Variants in ADGRG4 observed in about 807,000 individuals in gnomAD.
The protein encoded by ADGRG4 is G protein-coupled receptor 112.
ADGRG4 carries 122 observed loss-of-function variants against 126.2 expected under a neutral mutation model. The ratio of observed to expected loss-of-function variants is 0.97; its 90% CI spans 0.83 to 1.12. ADGRG4 has a LOEUF of 1.12. Ranked by LOEUF, ADGRG4 falls within the 50% of genes most tolerant of loss-of-function variation. The pLI is 0.00. For synonymous variants in ADGRG4, 943 were observed against 838.7 expected (o/e 1.12, Z -2.15); for missense variants, 2,481 against 2,251.8 (o/e 1.10, Z -2.06).
rs749138647 is a variant in ADGRG4 at position 136,322,815 on chromosome X, T to C, written c.108T>C (p.Phe36=). Residue 36 remains phenylalanine (F), a synonymous_variant, in exon 5 of 26, where the codon TTT becomes TTC. Transcript: ENST00000394143. ...LSLKGKKLDF[F]GRGDTYVSLI... ...TAAAAGGAAAAAAGCTGGATTTTTT[T>C]GGAAGAGGTGACACATATGTAAGCC... is the stretch of plus-strand genomic sequence containing the variant. The C allele has an allele frequency of 6.7e-6, 8 of 1,191,249 alleles. No homozygotes were observed. The South Asian group carries it at 9.3e-5, about 14-fold the overall frequency.
intron 22 of ADGRG4, 99 bp from the exon 23 acceptor site, chrX:136,405,593 C>T: frequency 6.1e-6 from 4 of 658,760 alleles, no homozygotes; most frequent in Non-Finnish European, 8.8e-6. Flanking sequence ...AGGGCAGATG[C>T]CCTTAGGGTG....
At chrX:136,382,301 G>A (rs2075268119) in intron 15 of ADGRG4, among the ~76,000 whole-genome samples, 2 of 111,695 alleles carry the variant, frequency 1.8e-5, no homozygotes, top group Non-Finnish European at 3.8e-5. Context: ...TATGAAGTCA[G>A]TAAATCCTAT....
At chrX:136,398,531 TTACA>T (rs2075362818) in intron 20 of ADGRG4, among the ~76,000 whole-genome samples, 1 of 111,882 alleles carries the variant, frequency 8.9e-6, no homozygotes, top group African/African-American at 3.3e-5. Context: ...ACAAAGTTCT[TTACA>T]TCATTACTCA....
At position 136,345,006 on chromosome X, in the gene ADGRG4, G is replaced by A; in HGVS notation, c.1300G>A (p.Gly434Ser). The change falls in exon 6 of 26, where the codon GGC (glycine) becomes AGC (serine). Residue 434 changes from glycine (G) to serine (S), a missense_variant. Transcript: ENST00000394143. ...TGGGGCACTCCCTATCTCCACAGCT[G>A]GCCAGGAGTTCATTGAATCTACAGC... ...NTGALPISTAGQEFIESTAAG... is the reference protein window; with the variant it reads ...NTGALPISTASQEFIESTAAG... 1 of 1,211,315 alleles carries A rather than the reference G, an allele frequency of 8.3e-7. No homozygotes were observed.
At chrX:136,394,077 T>C (rs1192659570) in intron 18 of ADGRG4, among the ~76,000 whole-genome samples, 1 of 111,411 alleles carries the variant, frequency 9.0e-6, no homozygotes, top group East Asian at 2.8e-4. Context: ...TCCTTCCCTT[T>C]TTTTTTCCTC....
At chrX:136,343,199 G>C (rs2074990603) in intron 5 of ADGRG4, among the ~76,000 whole-genome samples, 1 of 110,004 alleles carries the variant, frequency 9.1e-6, no homozygotes, top group Admixed American at 9.8e-5. Flanking sequence ...AGGAGACAGA[G>C]GGAGAGACAG....
At position 136,347,449 on chromosome X, in the gene ADGRG4, T is replaced by C. The variant is rs1569323528; in HGVS notation, c.3743T>C (p.Val1248Ala). Residue 1248 changes from valine to alanine, a missense_variant, in exon 6 of 26, where the codon GTG (valine) becomes GCG (alanine). Transcript: ENST00000394143. The part of the protein sequence containing the change: ...RVHTPVSIQL[V>A]TSTSVLSSDK... ...CACACACCAGTGTCCATCCAGTTGGTGACTAGCACCTCTGTCTTATCTTCC... is the reference window on the plus strand; with the variant it reads ...CACACACCAGTGTCCATCCAGTTGGCGACTAGCACCTCTGTCTTATCTTCC... The C allele has an allele frequency of 4.1e-6, 5 of 1,208,485 alleles. No individual in the cohort carries two copies. In the Middle Eastern group the frequency reaches 6.9e-4, roughly 167 times the overall value.
intron 4 of ADGRG4, among the ~76,000 whole-genome samples, chrX:136,315,381 G>T (rs2074798721): frequency 9.0e-6 from 1 of 110,983 alleles, no homozygotes; most frequent in African/African-American, 3.3e-5. Context: ...AGAGCCAGAA[G>T]ACTCCCTCCT....
At chrX:136,341,989 C>CACCCA (rs1321202939) in intron 5 of ADGRG4, among the ~76,000 whole-genome samples, 1 of 111,801 alleles carries the variant, frequency 8.9e-6, no homozygotes, top group African/African-American at 3.2e-5. Context: ...TGGGTGATTT[C>CACCCA]AATTGGAGAA....
At position 136,399,899 on chromosome X, in the gene ADGRG4, A is replaced by G. The variant is rs768840698; in HGVS notation, c.8358A>G (p.Ala2786=). 5.0e-6 allele frequency: 6 copies of G among 1,208,824 alleles called. No individual in the cohort carries two copies. The highest frequency in any genetic ancestry group is 6.7e-6 in the Non-Finnish European group (6 of 892,955). ...PAKILINLCT[A]LLMLNLVFLI... is the part of the protein sequence containing the mutation. Reference sequence around the variant, plus strand: ...AAATTCTGATCAACCTGTGCACAGCACTACTGATGCTAAACCTGGTATTTT... The same window carrying G: ...AAATTCTGATCAACCTGTGCACAGCGCTACTGATGCTAAACCTGGTATTTT... The change falls in exon 21 of 26, where the codon GCA becomes GCG. Residue 2786 remains alanine, a synonymous_variant. Transcript: ENST00000394143.
At chrX:136,329,710 C>A (rs2074896788) in intron 5 of ADGRG4, among the ~76,000 whole-genome samples, 1 of 106,367 alleles carries the variant, frequency 9.4e-6, no homozygotes, top group African/African-American at 3.4e-5. Flanking sequence ...CACTCTGTCG[C>A]CCAGGATGTA....
chrX:136,327,447 G>T (rs1157827941), intron 5 of ADGRG4, among the ~76,000 whole-genome samples: 1 of 68,544 alleles, frequency 1.5e-5, no homozygotes, highest in Non-Finnish European at 2.8e-5. Context: ...AAAATAAAAA[G>T]GACAGAGTGG....
chrX:136,360,340 GA>G (rs1191364757), intron 11 of ADGRG4, among the ~76,000 whole-genome samples: 2 of 111,036 alleles, frequency 1.8e-5, no homozygotes, highest in Admixed American at 1.9e-4. Flanking sequence ...AAAAAAATGG[GA>G]ACTTATCATA....
At chrX:136,356,585 T>C (rs1191658054) in intron 9 of ADGRG4, among the ~76,000 whole-genome samples, 1 of 112,328 alleles carries the variant, frequency 8.9e-6, no homozygotes, top group Non-Finnish European at 1.9e-5. Context: ...CAATTCTCAG[T>C]TCTTGTTCCA....
In ADGRG4 at chrX:136,348,400, T is replaced by C; in HGVS notation, c.4694T>C (p.Ile1565Thr). ...TSGPMSEMSSIPVNNSAFTPA... is the reference protein window; with the variant it reads ...TSGPMSEMSSTPVNNSAFTPA... The stretch of plus-strand genomic sequence containing the variant: ...GGGCCTATGTCTGAGATGTCCTCAA[T>C]ACCAGTTAATAACTCTGCTTTCACA... Residue 1565 changes from isoleucine (I) to threonine (T), a missense_variant, in exon 6 of 26, where the codon ATA becomes ACA. Coordinates refer to ENST00000394143, the MANE Select transcript of ADGRG4 (RefSeq NM_153834.4). The C allele has an allele frequency of 8.3e-7, 1 of 1,209,374 alleles. No homozygotes were observed. The highest frequency in any genetic ancestry group is 1.1e-6 in the Non-Finnish European group (1 of 893,556).
chrX:136,395,121 C>T (rs2075339407), intron 18 of ADGRG4, among the ~76,000 whole-genome samples: 1 of 110,662 alleles, frequency 9.0e-6, no homozygotes, highest in African/African-American at 3.3e-5. Flanking sequence ...AAAAAAAGTT[C>T]ATGGTTAGAG....
At chrX:136,405,322 G>A (rs183780234) in intron 22 of ADGRG4, among the ~76,000 whole-genome samples, 1,520 of 107,489 alleles carry the variant, frequency 0.014, 30 homozygotes, top group African/African-American at 0.049. Context: ...GGGGCAGGGC[G>A]TGCGGGGGCG....
At chrX:136,315,818 G>T (rs776495910) in intron 4 of ADGRG4, among the ~76,000 whole-genome samples, 26 of 112,126 alleles carry the variant, frequency 2.3e-4, no homozygotes, top group Non-Finnish European at 2.3e-4. Flanking sequence ...ACACACACAT[G>T]CACACAGGGA....
At chrX:136,375,128 TATG>T (rs1448624683) in intron 15 of ADGRG4, among the ~76,000 whole-genome samples, 1 of 111,488 alleles carries the variant, frequency 9.0e-6, no homozygotes, top group African/African-American at 3.3e-5. Context: ...AGTGAGAATA[TATG>T]ATATTTGGTT....
Sources: allele counts gnomAD v4.1 joint callset (sites outside exome capture counted in the v4.1 genomes callset), GRCh38; gene constraint gnomAD v4.1.1; transcripts MANE v1.5; gene names NCBI Gene and HGNC (gene_info 2026-07-23, HGNC 2026-07-21).